The following EXOC6B variants were observed in gnomAD, a reference collection of about 807,000 sequenced individuals.
The protein encoded by EXOC6B is exocyst complex component 6B, also known as SEC15 homolog B.
In EXOC6B, 54 loss-of-function variants were observed where a neutral mutation model predicts 113.5. The ratio of observed to expected loss-of-function variants is 0.48; its 90% CI spans 0.38 to 0.60. EXOC6B has a LOEUF of 0.60. Among genes scored for constraint, EXOC6B ranks in the 20% least tolerant of loss-of-function variants. The pLI, the probability that EXOC6B is intolerant of heterozygous loss-of-function variation, is 0.00. For missense variants in EXOC6B, 797 were observed against 977.5 expected, an observed-to-expected ratio of 0.82 and a Z score of 2.46; for synonymous variants, 357 against 339.0, an observed-to-expected ratio of 1.05 and a Z score of -0.58.
At chr2:72,574,877 C>A (rs1442147831) in intron 7 of EXOC6B, among the ~76,000 whole-genome samples, 2 of 152,118 alleles carry the variant, frequency 1.3e-5, no homozygotes, top group East Asian at 3.8e-4. Context: ...ATACTTCTAA[C>A]AACAAAGAAA....
At chr2:72,457,962 T>A (rs1018284636) in intron 18 of EXOC6B, among the ~76,000 whole-genome samples, 2 of 152,118 alleles carry the variant, frequency 1.3e-5, no homozygotes, top group Non-Finnish European at 2.9e-5. Context: ...TCTCTCTCTG[T>A]GTCACACACA....
chr2:72,818,277 T>A (rs1266915779), intron 1 of EXOC6B, among the ~76,000 whole-genome samples: 2 of 151,484 alleles, frequency 1.3e-5, no homozygotes, highest in African/African-American at 4.8e-5. Flanking sequence ...CCCAAGTAGC[T>A]GGGACTACAG....
At chr2:72,783,659 C>A (rs1455686166) in intron 1 of EXOC6B, among the ~76,000 whole-genome samples, 1 of 152,056 alleles carries the variant, frequency 6.6e-6, no homozygotes, top group Non-Finnish European at 1.5e-5. Flanking sequence ...TGAGAAATGT[C>A]TATCCATGTC....
At chr2:72,224,815 T>TGC (rs1055621784) in intron 20 of EXOC6B, among the ~76,000 whole-genome samples, 5 of 147,180 alleles carry the variant, frequency 3.4e-5, no homozygotes, top group Non-Finnish European at 7.6e-5. Context: ...TGTGTGTGTG[T>TGC]GTGTGCGTGT....
intron 6 of EXOC6B, among the ~76,000 whole-genome samples, chr2:72,660,090 T>C (rs1674896794): frequency 6.8e-6 from 1 of 148,142 alleles, no homozygotes; most frequent in African/African-American, 2.5e-5. Flanking sequence ...TCAATCCTCT[T>C]TTTTTTTTTA....
intron 20 of EXOC6B, among the ~76,000 whole-genome samples, chr2:72,205,295 T>C (rs1679768775): frequency 6.6e-6 from 1 of 151,912 alleles, no homozygotes; most frequent in Non-Finnish European, 1.5e-5. Context: ...CCTGTAGCTG[T>C]ACCCAGGAGA....
chr2:72,282,130 T>C (rs116676681), intron 20 of EXOC6B, among the ~76,000 whole-genome samples: 152 of 152,242 alleles, frequency 1.0e-3, no homozygotes, highest in African/African-American at 3.5e-3. Flanking sequence ...TCAACATCTG[T>C]AGGCCTACAC....
intron 18 of EXOC6B, among the ~76,000 whole-genome samples, chr2:72,437,728 T>C (rs1408512500): frequency 6.6e-6 from 1 of 152,200 alleles, no homozygotes; most frequent in African/African-American, 2.4e-5. Flanking sequence ...TGTTAACTCC[T>C]CTCATATGAA....
intron 8 of EXOC6B, among the ~76,000 whole-genome samples, chr2:72,543,149 C>T (rs1430387310): frequency 1.3e-5 from 2 of 151,916 alleles, no homozygotes; most frequent in Non-Finnish European, 2.9e-5. Context: ...GTGTATCTGG[C>T]GCATAAACTG....
At chr2:72,550,972 G>C (rs896094599) in intron 8 of EXOC6B, among the ~76,000 whole-genome samples, 5 of 145,596 alleles carry the variant, frequency 3.4e-5, no homozygotes, top group Non-Finnish European at 7.5e-5. Context: ...AGGCTGAAGT[G>C]CAATGGCGCG....
At chr2:72,535,311 T>C (rs1702220700) in intron 8 of EXOC6B, among the ~76,000 whole-genome samples, 1 of 152,222 alleles carries the variant, frequency 6.6e-6, no homozygotes, top group Non-Finnish European at 1.5e-5. Context: ...AGTATAGTTC[T>C]ATTAAAGCAC....
At chr2:72,575,811 T>G in intron 6 of EXOC6B, 143 bp from the exon 7 acceptor site, 1 of 679,408 alleles carries the variant, frequency 1.5e-6, no homozygotes. Context: ...TTAACGAAAA[T>G]ACTACAACAA....
intron 20 of EXOC6B, among the ~76,000 whole-genome samples, chr2:72,276,734 T>C (rs1684827271): frequency 6.6e-6 from 1 of 152,194 alleles, no homozygotes; most frequent in Admixed American, 6.5e-5. Flanking sequence ...CTCATAGTAT[T>C]AACTTGTTCA....
intron 11 of EXOC6B, among the ~76,000 whole-genome samples, chr2:72,509,154 G>C (rs999007118): frequency 6.6e-6 from 1 of 152,154 alleles, no homozygotes; most frequent in Non-Finnish European, 1.5e-5. Context: ...TCCTTCTTCA[G>C]CAGGCATACA....
chr2:72,180,978 G>T (rs1678046304), intron 21 of EXOC6B, among the ~76,000 whole-genome samples: 1 of 152,132 alleles, frequency 6.6e-6, no homozygotes, highest in South Asian at 2.1e-4. Flanking sequence ...GGGAGGCCGA[G>T]GCGGGTGGAT....
intron 1 of EXOC6B, among the ~76,000 whole-genome samples, chr2:72,792,881 T>A (rs1422740892): frequency 6.6e-6 from 1 of 152,192 alleles, no homozygotes; most frequent in Admixed American, 6.5e-5. Flanking sequence ...TATGTATACA[T>A]CTACAAATAA....
chr2:72,696,977 A>G (rs1677926699), intron 6 of EXOC6B, among the ~76,000 whole-genome samples: 1 of 152,210 alleles, frequency 6.6e-6, no homozygotes, highest in East Asian at 1.9e-4. Flanking sequence ...AAAATTTGAA[A>G]TTATCAAGAA....
chr2:72,421,073 T>C (rs369119285), intron 18 of EXOC6B, among the ~76,000 whole-genome samples: 2 of 152,246 alleles, frequency 1.3e-5, no homozygotes, highest in South Asian at 2.1e-4. Flanking sequence ...TGCCCACTTT[T>C]TGATGCAGTT....
intron 16 of EXOC6B, among the ~76,000 whole-genome samples, chr2:72,491,689 A>G (rs1292330095): frequency 6.6e-6 from 1 of 152,144 alleles, no homozygotes; most frequent in Non-Finnish European, 1.5e-5. Flanking sequence ...TTGCCAAGGT[A>G]CTACATTCAA....
Sources: allele counts gnomAD v4.1 joint callset (sites outside exome capture counted in the v4.1 genomes callset), GRCh38; gene constraint gnomAD v4.1.1; transcripts MANE v1.5; gene names NCBI Gene and HGNC (gene_info 2026-07-23, HGNC 2026-07-21).